PHF2: variants seen among roughly 807,000 people sequenced by gnomAD.
PHF2 encodes the protein lysine-specific demethylase PHF2.
In PHF2, 27 loss-of-function variants were observed where a neutral mutation model predicts 120.5. The ratio of observed to expected loss-of-function variants is 0.22; its 90% CI spans 0.17 to 0.31. PHF2 has a LOEUF of 0.31. PHF2 is among the 10% of genes least tolerant of loss of function. The probability of loss-of-function intolerance (pLI) is 1.00; values close to 1 mark genes in which losing one functional copy is unlikely to be tolerated. For missense variants in PHF2, 1,024 were observed against 1,434.8 expected (o/e 0.71, Z 4.63); for synonymous variants, 568 against 592.5 (o/e 0.96, Z 0.60).
At chr9:93,653,151 CCT>C in intron 5 of PHF2, 26 bp from the exon 6 acceptor site, 1 of 1,607,594 alleles carries the variant, frequency 6.2e-7, no homozygotes, top group Non-Finnish European at 8.5e-7. Context: ...TCCCAGGTTC[CCT>C]CACCACCTTC....
intron 1 of PHF2, among the ~76,000 whole-genome samples, chr9:93,590,587 T>C (rs1215029713): frequency 1.3e-5 from 2 of 152,248 alleles, no homozygotes; most frequent in Non-Finnish European, 2.9e-5. Flanking sequence ...AAACTTTTAA[T>C]TTTAGAATTG....
chr9:93,658,116 A>T, intron 9 of PHF2, 29 bp from the exon 10 acceptor site: 1 of 1,396,678 alleles, frequency 7.2e-7, no homozygotes, highest in Non-Finnish European at 1.0e-6. Context: ...GCAGGCACCC[A>T]CCCACCTCAC....
chr9:93,656,055 C>T lies in PHF2; in HGVS notation c.1040+34C>T, dbSNP rs368960539. 4.8e-5 allele frequency: 74 copies of T among 1,555,218 alleles called. No homozygotes were observed. Among genetic ancestry groups the T allele is most frequent in the Non-Finnish European group, 5.5e-5 (63 of 1,136,390 alleles). Reference sequence around the variant, plus strand: ...TGCCGCGCTGTCTGCCCTCGGGCTCCGCAGAGCAGCGTCCTCCCTCTAGCT... The same window carrying T: ...TGCCGCGCTGTCTGCCCTCGGGCTCTGCAGAGCAGCGTCCTCCCTCTAGCT... On this transcript the variant is annotated intron_variant, in intron 8 of 21. Transcript: ENST00000359246. The surrounding 1 kb of genome is among the most constrained non-coding windows in gnomAD (Gnocchi z 4.1).
chr9:93,598,049 C>T (rs1033765087), intron 1 of PHF2, among the ~76,000 whole-genome samples: 3 of 152,138 alleles, frequency 2.0e-5, no homozygotes, highest in African/African-American at 7.2e-5. Context: ...ATGGGCCGGC[C>T]GAGTGCATTT....
At position 93,653,224 on chromosome 9, in the gene PHF2, A is replaced by G; in HGVS notation, c.648A>G (p.Ser216=). ...VEPPDIVKKL[S]WVENYWPDDA... Reference sequence around the variant, plus strand: ...CACCTGACATTGTAAAGAAACTGTCATGGGTAGAAAACTACTGGCCAGATG... The same window carrying G: ...CACCTGACATTGTAAAGAAACTGTCGTGGGTAGAAAACTACTGGCCAGATG... The change falls in exon 6 of 22, where the codon TCA becomes TCG. Residue 216 remains serine, a synonymous_variant. Transcript: ENST00000359246. 1 of 1,614,204 alleles carries G rather than the reference A, an allele frequency of 6.2e-7. No individual in the cohort carries two copies. Among genetic ancestry groups the G allele is most frequent in the Non-Finnish European group, 8.5e-7 (1 of 1,180,032 alleles).
At chr9:93,585,191 C>T (rs1038599383) in intron 1 of PHF2, among the ~76,000 whole-genome samples, 7 of 152,188 alleles carry the variant, frequency 4.6e-5, no homozygotes, top group East Asian at 1.9e-4. Context: ...TGCATGCTTG[C>T]GAAGGAGGGT....
intron 17 of PHF2, among the ~76,000 whole-genome samples, chr9:93,668,141 T>C (rs947684152): frequency 1.3e-5 from 2 of 152,254 alleles, no homozygotes; most frequent in Non-Finnish European, 2.9e-5. Context: ...ACATGCAATA[T>C]TATGTTCATG....
chr9:93,613,610 A>G (rs2131630142), intron 1 of PHF2, among the ~76,000 whole-genome samples: 1 of 145,488 alleles, frequency 6.9e-6, no homozygotes, highest in Non-Finnish European at 1.5e-5. Context: ...CCCAGACTGG[A>G]GTGCAGTAGA....
chr9:93,662,188 TGG>T (rs1436258033), intron 12 of PHF2, among the ~76,000 whole-genome samples: 11 of 150,984 alleles, frequency 7.3e-5, no homozygotes, highest in African/African-American at 2.4e-4. Context: ...GATGAATGAA[TGG>T]GTGAGCAGAT....
intron 14 of PHF2, among the ~76,000 whole-genome samples, chr9:93,664,608 G>T (rs1324923450): frequency 6.6e-6 from 1 of 152,202 alleles, no homozygotes; most frequent in African/African-American, 2.4e-5. Flanking sequence ...GCAGAGTCTT[G>T]TGAGTGTCAG....
intron 2 of PHF2, among the ~76,000 whole-genome samples, chr9:93,630,377 G>A (rs994971304): frequency 2.6e-5 from 4 of 152,246 alleles, no homozygotes; most frequent in African/African-American, 4.8e-5. Context: ...CTGGATAAAT[G>A]GTGATGCGGG....
intron 1 of PHF2, among the ~76,000 whole-genome samples, chr9:93,613,742 T>A (rs1825676935): frequency 6.6e-6 from 1 of 151,920 alleles, no homozygotes; most frequent in Admixed American, 6.6e-5. Flanking sequence ...CTGGCTAATT[T>A]TTATATTTTT....
intron 2 of PHF2, among the ~76,000 whole-genome samples, chr9:93,634,359 C>T (rs978416430): frequency 1.6e-4 from 25 of 152,114 alleles, no homozygotes; most frequent in African/African-American, 6.0e-4. Context: ...TTTCCAACTC[C>T]TTTACCCTCT....
intron 2 of PHF2, among the ~76,000 whole-genome samples, chr9:93,635,043 C>G (rs566077398): frequency 6.6e-6 from 1 of 152,308 alleles, no homozygotes; most frequent in South Asian, 2.1e-4. Context: ...AGAGGATTGG[C>G]CAAAACAGAT....
intron 4 of PHF2, 70 bp downstream of exon 4, chr9:93,645,859 T>G (rs922851168): frequency 1.3e-6 from 2 of 1,482,418 alleles, no homozygotes; most frequent in Non-Finnish European, 1.8e-6. Context: ...CCACTGTGCA[T>G]GCTGTTTCCC....
intron 18 of PHF2, 89 bp from the exon 19 acceptor site, chr9:93,674,838 A>C: frequency 1.2e-6 from 1 of 867,134 alleles, no homozygotes; most frequent in South Asian, 1.4e-5. Context: ...GCTGGCGAGG[A>C]AGGTCTGCAG....
intron 5 of PHF2, among the ~76,000 whole-genome samples, chr9:93,650,841 G>A (rs2117913981): frequency 6.6e-6 from 1 of 152,282 alleles, no homozygotes; most frequent in Non-Finnish European, 1.5e-5. Context: ...AGTCTTCATC[G>A]TTTCCGTCAT....
rs1554798840 is a variant in PHF2 at position 93,663,043 on chromosome 9, T to C, written c.1818+17T>C. 9.3e-6 allele frequency: 15 copies of C among 1,613,966 alleles called. No homozygotes were observed. The highest frequency in any genetic ancestry group is 1.7e-5 in the Admixed American group (1 of 60,010). ...AAGTACAAGGTGAGAAGTGCACATA[T>C]GCATGCACACGTGTGTGTGTCAGCT... On this transcript the variant is annotated intron_variant, in intron 13 of 21. Coordinates refer to ENST00000359246, the MANE Select transcript of PHF2 (RefSeq NM_005392.4).
chr9:93,601,869 G>T (rs1825444209), intron 1 of PHF2, among the ~76,000 whole-genome samples: 1 of 151,550 alleles, frequency 6.6e-6, no homozygotes, highest in African/African-American at 2.4e-5. Context: ...TGTGGAAATG[G>T]AAGGGAGCCC....
Sources: allele counts gnomAD v4.1 joint callset (sites outside exome capture counted in the v4.1 genomes callset), GRCh38; gene constraint gnomAD v4.1.1; non-coding constraint Gnocchi (gnomAD v3.1); transcripts MANE v1.5; gene names NCBI Gene and HGNC (gene_info 2026-07-23, HGNC 2026-07-21).